Variants in PCSK5 observed in about 807,000 individuals in gnomAD.
PCSK5 encodes proprotein convertase subtilisin/kexin type 5.
Under a neutral mutation model 233.2 loss-of-function variants are expected in PCSK5, and 129 were observed. The ratio of observed to expected loss-of-function variants is 0.55; its 90% CI spans 0.48 to 0.64. The LOEUF is 0.64. Among genes scored for constraint, PCSK5 ranks in the 30% least tolerant of loss-of-function variants. The pLI is 0.00. For synonymous variants in PCSK5, 825 were observed against 879.2 expected (o/e 0.94, Z 1.09); for missense variants, 2,076 against 2,430.1 (o/e 0.85, Z 3.06).
chr9:76,097,983 G>A (rs1479017363), intron 8 of PCSK5, among the ~76,000 whole-genome samples: 3 of 152,210 alleles, frequency 2.0e-5, no homozygotes, highest in African/African-American at 7.2e-5. Context: ...ACAGATCTAC[G>A]CAGGTTGGGG....
intron 20 of PCSK5, among the ~76,000 whole-genome samples, chr9:76,219,585 C>T (rs960563629): frequency 8.5e-5 from 13 of 152,080 alleles, no homozygotes; most frequent in East Asian, 3.9e-4. Context: ...CTGTGGGCCA[C>T]GCTCCTGAAA....
intron 10 of PCSK5, among the ~76,000 whole-genome samples, chr9:76,136,522 C>G (rs952098681): frequency 6.6e-6 from 1 of 152,050 alleles, no homozygotes; most frequent in African/African-American, 2.4e-5. Context: ...TCCATAGTCA[C>G]GTATTTCTCC....
chr9:75,920,246 G>A (rs1332469531), intron 1 of PCSK5, among the ~76,000 whole-genome samples: 3 of 152,140 alleles, frequency 2.0e-5, no homozygotes, highest in Non-Finnish European at 2.9e-5. Flanking sequence ...AACTCAGAGT[G>A]ACAGGGTCAT....
At chr9:75,977,671 C>T (rs1023391931) in intron 2 of PCSK5, among the ~76,000 whole-genome samples, 2 of 150,482 alleles carry the variant, frequency 1.3e-5, no homozygotes, top group Admixed American at 6.6e-5. Flanking sequence ...AGTGCAGTAG[C>T]GTGATCTCAG....
intron 33 of PCSK5, among the ~76,000 whole-genome samples, chr9:76,329,449 T>C (rs1829463872): frequency 6.6e-6 from 1 of 151,892 alleles, no homozygotes; most frequent in African/African-American, 2.4e-5. Flanking sequence ...CATGAACCAC[T>C]ATGCCAGGCC....
intron 9 of PCSK5, among the ~76,000 whole-genome samples, chr9:76,132,041 C>T (rs1274238067): frequency 1.3e-5 from 2 of 151,960 alleles, no homozygotes; most frequent in Non-Finnish European, 2.9e-5. Context: ...TCTTTCTGGA[C>T]CAAGCTTTCT....
rs937814163 is a variant in PCSK5 at position 76,360,402 on chromosome 9, A to C, written c.*1480A>C. On this transcript the variant is annotated 3_prime_UTR_variant, in exon 38 of 38. Coordinates refer to ENST00000674117, the MANE Select transcript of PCSK5 (RefSeq NM_001372043.1). The stretch of plus-strand genomic sequence containing the variant: ...TGCAAAGCTCAACAAAATTCAAGAA[A>C]AAAGAATGATCACCCTAAAGCGTGT... 4 of 152,224 alleles carry C rather than the reference A, an allele frequency of 2.6e-5. No individual in the cohort carries two copies. The highest frequency in any genetic ancestry group is 9.6e-5 in the African/African-American group (4 of 41,456). The allele number at this position is 152,224 out of a possible 1,614,324, so 9.4% of individuals were successfully genotyped here.
At chr9:76,231,733 T>A (rs1048081569) in intron 21 of PCSK5, among the ~76,000 whole-genome samples, 1 of 152,184 alleles carries the variant, frequency 6.6e-6, no homozygotes, top group Non-Finnish European at 1.5e-5. Flanking sequence ...ATTAGTGCCA[T>A]CCGCTAAAAA....
At chr9:76,243,940 T>C (rs558450454) in intron 24 of PCSK5, among the ~76,000 whole-genome samples, 2 of 152,296 alleles carry the variant, frequency 1.3e-5, no homozygotes, top group South Asian at 4.2e-4. Flanking sequence ...ATAAATGATT[T>C]TGGCCAAGTG....
rs374570773 is a variant in PCSK5 at position 75,890,835 on chromosome 9, C to A, written c.-347C>A. On this transcript the variant is annotated 5_prime_UTR_variant, in exon 1 of 38. Coordinates refer to ENST00000674117, the MANE Select transcript of PCSK5 (RefSeq NM_001372043.1). ...TCGGGGGCCCCGGGAGGAGCGAGAC[C>A]GAGTCGGAGAGTCCGGGAGCCAAGC... The A allele has an allele frequency of 2.2e-4, 49 of 223,550 alleles. 1 individual carries two copies. In the South Asian group the frequency reaches 8.4e-3, roughly 38 times the overall value. The allele number at this position is 223,550 out of a possible 1,614,324, so 13.8% of individuals were successfully genotyped here.
chr9:75,905,715 C>T (rs576784162), intron 1 of PCSK5, among the ~76,000 whole-genome samples: 7 of 152,244 alleles, frequency 4.6e-5, no homozygotes, highest in African/African-American at 1.7e-4. Flanking sequence ...ATCAGTGGGG[C>T]CGGTAGACTC....
At chr9:75,994,400 C>CTTTTTT (rs550518074) in intron 3 of PCSK5, among the ~76,000 whole-genome samples, 20 of 82,016 alleles carry the variant, frequency 2.4e-4, no homozygotes, top group Non-Finnish European at 3.2e-4. Flanking sequence ...TTCTTTCTTT[C>CTTTTTT]TTTTTTTTTT....
chr9:76,064,878 A>G (rs1830226736), intron 5 of PCSK5, among the ~76,000 whole-genome samples: 1 of 152,174 alleles, frequency 6.6e-6, no homozygotes, highest in Admixed American at 6.5e-5. Context: ...GTAGAGACGC[A>G]GTCTCCCTAT....
intron 3 of PCSK5, among the ~76,000 whole-genome samples, chr9:76,008,833 G>T (rs1827597209): frequency 2.0e-5 from 3 of 152,218 alleles, no homozygotes; most frequent in African/African-American, 7.2e-5. Flanking sequence ...GGACAAATTA[G>T]TATTATGCTG....
At chr9:75,968,017 C>T (rs183998805) in intron 2 of PCSK5, among the ~76,000 whole-genome samples, 75 of 152,310 alleles carry the variant, frequency 4.9e-4, no homozygotes, top group Non-Finnish European at 5.3e-4. Context: ...CCGCCTGGGC[C>T]TCCCAAAGTA....
At chr9:76,089,302 G>A (rs931434405) in intron 7 of PCSK5, among the ~76,000 whole-genome samples, 1 of 152,090 alleles carries the variant, frequency 6.6e-6, no homozygotes. Context: ...TTGAGGCGGT[G>A]CTTGCGAGAC....
intron 16 of PCSK5, among the ~76,000 whole-genome samples, chr9:76,184,050 G>C (rs1823990047): frequency 6.6e-6 from 1 of 152,134 alleles, no homozygotes; most frequent in Admixed American, 6.5e-5. Context: ...CCAGAATATA[G>C]ATTTCTCCAG....
At chr9:76,049,190 T>C (rs569360514) in intron 5 of PCSK5, among the ~76,000 whole-genome samples, 1 of 152,264 alleles carries the variant, frequency 6.6e-6, no homozygotes, top group Admixed American at 6.5e-5. Flanking sequence ...ACTTGGCCCA[T>C]TGCAGAAAAT....
intron 35 of PCSK5, among the ~76,000 whole-genome samples, chr9:76,343,446 G>T (rs1238541750): frequency 6.6e-6 from 1 of 151,230 alleles, no homozygotes; most frequent in Non-Finnish European, 1.5e-5. Flanking sequence ...CAAGTGATCT[G>T]CCTGCCTCAG....
Sources: gnomAD v4.1 joint callset for allele counts (sites outside exome capture counted in the v4.1 genomes callset) on GRCh38, gnomAD v4.1.1 for gene constraint, MANE v1.5 for transcripts, NCBI Gene and HGNC (gene_info 2026-07-23, HGNC 2026-07-21) for gene names.